The following CSMD1 variants were observed in gnomAD, a reference collection of about 807,000 sequenced individuals.
The protein encoded by CSMD1 is CUB and sushi domain-containing protein 1.
In CSMD1, 213 loss-of-function variants were observed where a neutral mutation model predicts 417.5. That is an observed-to-expected ratio of 0.51 (90% CI 0.46 to 0.57). The LOEUF (loss-of-function observed/expected upper bound fraction) is 0.57. Ranked by LOEUF, CSMD1 falls within the 20% of genes least tolerant of loss-of-function variation. The pLI is 0.00. For missense variants in CSMD1, 6,923 were observed against 4,529.7 expected, an observed-to-expected ratio of 1.53 and a Z score of -15.17; for synonymous variants, 2,862 against 1,736.8, an observed-to-expected ratio of 1.65 and a Z score of -16.11.
At chr8:3,032,048 T>C (rs546436162) in intron 50 of CSMD1, among the ~76,000 whole-genome samples, 22 of 151,388 alleles carry the variant, frequency 1.5e-4, no homozygotes, top group African/African-American at 4.6e-4. Flanking sequence ...AGAAAATACA[T>C]TGCCACAACA....
chr8:4,910,774 C>T (rs1053069058), intron 1 of CSMD1, among the ~76,000 whole-genome samples: 23 of 152,214 alleles, frequency 1.5e-4, no homozygotes, highest in African/African-American at 5.3e-4. Flanking sequence ...CAACAAGGAC[C>T]TTATAAGGTG....
chr8:4,940,663 A>C (rs972876392), intron 1 of CSMD1, among the ~76,000 whole-genome samples: 1 of 152,234 alleles, frequency 6.6e-6, no homozygotes, highest in African/African-American at 2.4e-5. Context: ...TCTTTAACAC[A>C]TAAAACAAAC....
rs1220593550 is a variant in CSMD1, at chr8:3,289,709, G to A, written c.3951-5363C>T. On this transcript the variant is annotated intron_variant, in intron 25 of 69. Transcript: ENST00000635120. ...TCTTGAAAATTTGTTGGAGTTCATTGTAGATTCTGGATATTAGCCCTTTGT... is the reference window on the plus strand; with the variant it reads ...TCTTGAAAATTTGTTGGAGTTCATTATAGATTCTGGATATTAGCCCTTTGT... Among the ~76,000 whole-genome samples the A allele has an allele frequency of 4.8e-4, 70 of 147,236 alleles. 3 individuals carry two copies. The highest frequency in any genetic ancestry group is 1.6e-4 in the Non-Finnish European group (11 of 68,014).
intron 3 of CSMD1, among the ~76,000 whole-genome samples, chr8:4,169,376 C>G (rs1009488454): frequency 1.3e-5 from 2 of 152,058 alleles, no homozygotes; most frequent in Admixed American, 1.3e-4. Context: ...TCCACTTCCT[C>G]AGGCCAAAAA....
intron 3 of CSMD1, among the ~76,000 whole-genome samples, chr8:4,297,951 G>A (rs956325949): frequency 1.3e-5 from 2 of 152,156 alleles, no homozygotes; most frequent in African/African-American, 2.4e-5. Flanking sequence ...AAGGCTAGGT[G>A]ACGGATTACC....
intron 10 of CSMD1, among the ~76,000 whole-genome samples, chr8:3,539,397 T>C (rs562401281): frequency 2.7e-4 from 41 of 152,192 alleles, no homozygotes; most frequent in Non-Finnish European, 4.3e-4. Flanking sequence ...TATTATTTGT[T>C]TCCAGGCTAA....
chr8:4,068,691 T>G (rs1799386528), intron 3 of CSMD1, among the ~76,000 whole-genome samples: 1 of 152,322 alleles, frequency 6.6e-6, no homozygotes. Context: ...TTATTCTCAT[T>G]TCAAGATATC....
At chr8:3,921,100 G>C (rs879509456) in intron 5 of CSMD1, among the ~76,000 whole-genome samples, 4 of 151,908 alleles carry the variant, frequency 2.6e-5, no homozygotes, top group Non-Finnish European at 5.9e-5. Context: ...TCTATTTATG[G>C]GTTTTCTTTG....
chr8:3,802,932 A>G lies in CSMD1; in HGVS notation c.819-48890T>C, dbSNP rs929087720. On this transcript the variant is annotated intron_variant, in intron 5 of 69. Coordinates refer to ENST00000635120, the MANE Select transcript of CSMD1 (RefSeq NM_033225.6). ...AACAGGAATTTTGAAAGAACCTACAAAAGAAAGACTTGAAAATAATCAGCC... is the reference window on the plus strand; with the variant it reads ...AACAGGAATTTTGAAAGAACCTACAGAAGAAAGACTTGAAAATAATCAGCC... Among the ~76,000 whole-genome samples the G allele has an allele frequency of 5.3e-5, 8 of 152,190 alleles. No individual in the cohort carries two copies. The South Asian group carries it at 1.2e-3, about 24-fold the overall frequency.
At chr8:3,529,464 G>T (rs182958941) in intron 10 of CSMD1, among the ~76,000 whole-genome samples, 8 of 152,220 alleles carry the variant, frequency 5.3e-5, no homozygotes, top group Non-Finnish European at 1.0e-4. Flanking sequence ...TCATAAATTT[G>T]GGTTAAAGGA....
rs186251136 is a variant in CSMD1, at chr8:4,209,467, C to T, written c.416-177368G>A. ...CCAAGTGAGGACATTGTCACATCTG[C>T]TAGTTCCCGAACACTTCCCTTAACC... On this transcript the variant is annotated intron_variant, in intron 3 of 69. Transcript: ENST00000635120. 1.8e-3 allele frequency among the ~76,000 whole-genome samples: 268 copies of T among 152,314 alleles called. 2 individuals carry two copies. Among genetic ancestry groups the T allele is most frequent in the African/African-American group, 6.2e-3 (259 of 41,576 alleles).
intron 12 of CSMD1, among the ~76,000 whole-genome samples, chr8:3,421,546 G>A (rs553242607): frequency 1.3e-5 from 2 of 152,290 alleles, no homozygotes; most frequent in African/African-American, 4.8e-5. Context: ...AGTAACATCA[G>A]CCAATTCAAG....
intron 3 of CSMD1, among the ~76,000 whole-genome samples, chr8:4,195,717 C>T (rs897679046): frequency 1.3e-5 from 2 of 152,130 alleles, no homozygotes; most frequent in Non-Finnish European, 2.9e-5. Context: ...GTGGAAATGG[C>T]CCCCAGACAG....
chr8:3,808,365 A>G (rs1175897383), intron 5 of CSMD1, among the ~76,000 whole-genome samples: 1 of 152,152 alleles, frequency 6.6e-6, no homozygotes, highest in African/African-American at 2.4e-5. Context: ...TGGTATATTC[A>G]AAGGACTGAC....
chr8:4,386,024 C>G (rs1307785380), intron 3 of CSMD1, among the ~76,000 whole-genome samples: 2 of 152,038 alleles, frequency 1.3e-5, no homozygotes, highest in South Asian at 2.1e-4. Flanking sequence ...TTTTTTATCA[C>G]TACGATTTCT....
rs548582675 is a variant in CSMD1 at position 3,095,230 on chromosome 8, T to G, written c.7138+1619A>C. On this transcript the variant is annotated intron_variant, in intron 47 of 69. Transcript: ENST00000635120. ...TGTCCTTTGTAGGGATATATATGTC[T>G]ATATATACACAAACACAAACACAGA... Among the ~76,000 whole-genome samples, 250 of 152,304 alleles carry G rather than the reference T, an allele frequency of 1.6e-3. 1 individual carries two copies. Among genetic ancestry groups the G allele is most frequent in the Non-Finnish European group, 3.1e-3 (210 of 68,020 alleles).
At chr8:3,982,707 G>A (rs1261030353) in intron 5 of CSMD1, among the ~76,000 whole-genome samples, 1 of 152,058 alleles carries the variant, frequency 6.6e-6, no homozygotes, top group Non-Finnish European at 1.5e-5. Context: ...AGATCAGGAG[G>A]CAGAGGGAAG....
At chr8:4,910,205 G>C (rs1042930360) in intron 1 of CSMD1, among the ~76,000 whole-genome samples, 10 of 152,014 alleles carry the variant, frequency 6.6e-5, no homozygotes, top group African/African-American at 2.2e-4. Flanking sequence ...TGTTATACTG[G>C]ACTAAATTAT....
intron 1 of CSMD1, among the ~76,000 whole-genome samples, chr8:4,795,555 C>T (rs896668264): frequency 5.3e-5 from 8 of 151,992 alleles, no homozygotes; most frequent in Admixed American, 3.9e-4. Flanking sequence ...AGCCACCGCA[C>T]CCGGCCAGCT....
Sources: allele counts gnomAD v4.1 joint callset (sites outside exome capture counted in the v4.1 genomes callset), GRCh38; gene constraint gnomAD v4.1.1; transcripts MANE v1.5; gene names NCBI Gene and HGNC (gene_info 2026-07-23, HGNC 2026-07-21).